MTUS2: variants seen among roughly 807,000 people sequenced by gnomAD.
The protein encoded by MTUS2 is microtubule-associated tumor suppressor candidate 2.
A neutral mutation model predicts 114.1 loss-of-function variants in MTUS2; 40 were observed. The observed-to-expected ratio is 0.35, with a 90% CI of 0.27 to 0.46. MTUS2 has a LOEUF of 0.46. MTUS2 is among the 20% of genes least tolerant of loss of function. The probability of loss-of-function intolerance (pLI) is 1.00; values close to 1 mark genes in which losing one functional copy is unlikely to be tolerated. For synonymous variants in MTUS2, 688 were observed against 672.0 expected, an observed-to-expected ratio of 1.02 and a Z score of -0.37; for missense variants, 1,679 against 1,705.4, an observed-to-expected ratio of 0.98 and a Z score of 0.27.
chr13:28,974,383 A>T (rs1195662706), intron 2 of MTUS2, among the ~76,000 whole-genome samples: 1 of 152,220 alleles, frequency 6.6e-6, no homozygotes, highest in Non-Finnish European at 1.5e-5. Context: ...CTGTATCTGA[A>T]TTTAGACTGT....
In MTUS2 at chr13:29,439,865, T is replaced by C. The variant is rs1828569450; in HGVS notation, c.3118-118T>C. The C allele has an allele frequency of 9.9e-6, 8 of 808,716 alleles. No homozygotes were observed. The East Asian group carries it at 2.2e-4, about 22-fold the overall frequency. The allele number at this position is 808,716 out of a possible 1,614,324, so 50.1% of individuals were successfully genotyped here. A position where few individuals can be genotyped will look rare whatever the true frequency, so the allele number is the denominator to read the frequency against. On this transcript the variant is annotated intron_variant, in intron 8 of 15. Transcript: ENST00000612955. ...ACATGCTTATATAATGTGAAAATTA[T>C]CTCCTTAAGGACTAGACTTATAAAT...
intron 8 of MTUS2, among the ~76,000 whole-genome samples, chr13:29,387,614 A>T (rs937142162): frequency 6.6e-6 from 1 of 152,194 alleles, no homozygotes; most frequent in African/African-American, 2.4e-5. Context: ...GGGCTGTTAA[A>T]GGAACAAGGC....
intron 5 of MTUS2, among the ~76,000 whole-genome samples, chr13:29,119,907 C>T (rs1013922219): frequency 4.6e-5 from 7 of 152,008 alleles, no homozygotes; most frequent in African/African-American, 1.7e-4. Flanking sequence ...AATTAACAAT[C>T]ACAAGAATAT....
intron 5 of MTUS2, among the ~76,000 whole-genome samples, chr13:29,260,412 C>G (rs978246847): frequency 3.9e-5 from 6 of 152,182 alleles, no homozygotes; most frequent in African/African-American, 1.4e-4. Context: ...AGAGGCACTA[C>G]TACTGAACAG....
intron 5 of MTUS2, among the ~76,000 whole-genome samples, chr13:29,206,322 C>A (rs1895183245): frequency 6.6e-6 from 1 of 152,118 alleles, no homozygotes; most frequent in Admixed American, 6.5e-5. Flanking sequence ...TTGTCAGATG[C>A]ATAGTTTTCA....
chr13:29,086,993 A>T (rs1435225421), intron 4 of MTUS2, among the ~76,000 whole-genome samples: 1 of 152,126 alleles, frequency 6.6e-6, no homozygotes, highest in Non-Finnish European at 1.5e-5. Context: ...CATTTCTAGG[A>T]GCCTTCTGAA....
At chr13:29,441,294 G>A (rs1877842274) in intron 9 of MTUS2, among the ~76,000 whole-genome samples, 1 of 152,178 alleles carries the variant, frequency 6.6e-6, no homozygotes, top group African/African-American at 2.4e-5. Context: ...GAAAGCTGAG[G>A]TCCATGGGAG....
At chr13:28,955,624 A>G (rs1392728801) in intron 2 of MTUS2, among the ~76,000 whole-genome samples, 1 of 152,176 alleles carries the variant, frequency 6.6e-6, no homozygotes, top group Non-Finnish European at 1.5e-5. Flanking sequence ...TGAAAGCTTC[A>G]TTTGTAAGCC....
chr13:28,914,549 G>A (rs766950546), intron 2 of MTUS2, among the ~76,000 whole-genome samples: 1 of 151,904 alleles, frequency 6.6e-6, no homozygotes, highest in Non-Finnish European at 1.5e-5. Context: ...GCAATGATAA[G>A]GATACATATT....
In MTUS2 at chr13:28,845,718, G is replaced by A. The variant is rs1875832047; in HGVS notation, c.-243+5868G>A. On this transcript the variant is annotated intron_variant, in intron 2 of 15. Transcript: ENST00000612955. ...CATGTTGCTCAGAATAAGAGGGTAC[G>A]TAAGTCATCAGATAGCCACAAAGAA... Among the ~76,000 whole-genome samples the A allele has an allele frequency of 2.6e-5, 4 of 151,536 alleles. No individual in the cohort carries two copies. The South Asian group carries it at 6.2e-4, about 24-fold the overall frequency.
intron 2 of MTUS2, among the ~76,000 whole-genome samples, chr13:28,988,258 G>A (rs1884676609): frequency 6.6e-6 from 1 of 152,176 alleles, no homozygotes; most frequent in African/African-American, 2.4e-5. Context: ...AAGATTAATG[G>A]AGAATTTCAT....
intron 5 of MTUS2, among the ~76,000 whole-genome samples, chr13:29,219,555 A>G (rs191337229): frequency 6.6e-6 from 1 of 152,276 alleles, no homozygotes; most frequent in Non-Finnish European, 1.5e-5. Context: ...CTAACAAGAG[A>G]GTTAGCCTGT....
In MTUS2 at chr13:29,480,499, C is replaced by T; in HGVS notation, c.3399+135C>T. On this transcript the variant is annotated intron_variant, in intron 10 of 15. Transcript: ENST00000612955. This position sits in a 1 kb window ranked among gnomAD's most constrained non-coding sequence, Gnocchi z 4.4. ...AACAGTTCACTTTCTGAGTTGCTTT[C>T]TCCTTTCTCCCCGCTCCTCTCTTCT... 1 of 962,954 alleles carries T rather than the reference C, an allele frequency of 1.0e-6. No homozygotes were observed. The highest frequency in any genetic ancestry group is 1.9e-5 in the South Asian group (1 of 52,768). The allele number at this position is 962,954 out of a possible 1,614,324, so 59.7% of individuals were successfully genotyped here.
intron 8 of MTUS2, among the ~76,000 whole-genome samples, chr13:29,394,411 A>G (rs12585116): frequency 0.1 from 15,370 of 152,218 alleles, 836 homozygotes; most frequent in Middle Eastern, 0.19. Context: ...TGGTTGAAAG[A>G]GTTTAAGTTA....
intron 2 of MTUS2, among the ~76,000 whole-genome samples, chr13:28,897,304 A>G (rs1436173234): frequency 1.3e-5 from 2 of 152,248 alleles, no homozygotes; most frequent in Non-Finnish European, 2.9e-5. Flanking sequence ...AAAAATGCTC[A>G]TCATCACTGG....
intron 2 of MTUS2, among the ~76,000 whole-genome samples, chr13:29,020,361 G>A (rs567219970): frequency 6.6e-6 from 1 of 152,284 alleles, no homozygotes; most frequent in South Asian, 2.1e-4. Flanking sequence ...TTATGTACAA[G>A]TTTGAACTTC....
chr13:29,063,501 C>G (rs1888516514), intron 4 of MTUS2, among the ~76,000 whole-genome samples: 1 of 152,118 alleles, frequency 6.6e-6, no homozygotes, highest in South Asian at 2.1e-4. Flanking sequence ...AAAGTTGGGA[C>G]AGTTCTTCTC....
chr13:29,114,637 T>C (rs984298545), intron 5 of MTUS2, among the ~76,000 whole-genome samples: 1 of 152,136 alleles, frequency 6.6e-6, no homozygotes, highest in Non-Finnish European at 1.5e-5. Context: ...GTGCAGATAG[T>C]AAGATGGCCA....
At position 29,503,144 on chromosome 13, in the gene MTUS2, G is replaced by A. The variant is rs151024742; in HGVS notation, c.4048G>A (p.Val1350Ile). 467 of 1,614,216 alleles carry A rather than the reference G, an allele frequency of 2.9e-4. No individual in the cohort carries two copies. The African/African-American group carries it at 5.1e-3, about 18-fold the overall frequency. Reference sequence around the variant, plus strand: ...GATTAAACTCTCGCCCACATCTCCCGTTTACCGCGGCTCCTCCTCGGGGCC... The same window carrying A: ...GATTAAACTCTCGCCCACATCTCCCATTTACCGCGGCTCCTCCTCGGGGCC... ...SPIKLSPTSP[V>I]YRGSSSGPSS... Residue 1350 changes from valine to isoleucine, a missense_variant, in exon 16 of 16, where the codon GTT (valine) becomes ATT (isoleucine). Physicochemically the swap from Val to Ile is conservative, Grantham distance 29. Coordinates refer to ENST00000612955, the MANE Select transcript of MTUS2 (RefSeq NM_001033602.4).
Sources: gnomAD v4.1 joint callset for allele counts (sites outside exome capture counted in the v4.1 genomes callset) on GRCh38, gnomAD v4.1.1 for gene constraint, Gnocchi (gnomAD v3.1) non-coding constraint, MANE v1.5 for transcripts, NCBI Gene and HGNC (gene_info 2026-07-23, HGNC 2026-07-21) for gene names.